The following CNTN5 variants were observed in gnomAD, a reference collection of about 807,000 sequenced individuals.
CNTN5 encodes contactin 5.
CNTN5 carries 77 observed loss-of-function variants against 129.1 expected under a neutral mutation model. That is an observed-to-expected ratio of 0.60 (90% CI 0.50 to 0.72). CNTN5 has a LOEUF of 0.72. Among genes scored for constraint, CNTN5 ranks in the 30% least tolerant of loss-of-function variants. The probability of loss-of-function intolerance (pLI) is 0.00; values close to 1 mark genes in which losing one functional copy is unlikely to be tolerated. For synonymous variants in CNTN5, 509 were observed against 465.6 expected, an observed-to-expected ratio of 1.09 and a Z score of -1.20; for missense variants, 1,478 against 1,328.8, an observed-to-expected ratio of 1.11 and a Z score of -1.75.
chr11:99,583,843 G>C (rs375939083), intron 3 of CNTN5, among the ~76,000 whole-genome samples: 2 of 152,052 alleles, frequency 1.3e-5, no homozygotes, highest in Admixed American at 6.6e-5. Context: ...TGCACCTACT[G>C]TCTTGCACTC....
At chr11:99,874,028 G>A (rs2135824101) in intron 6 of CNTN5, among the ~76,000 whole-genome samples, 1 of 152,154 alleles carries the variant, frequency 6.6e-6, no homozygotes, top group Non-Finnish European at 1.5e-5. Flanking sequence ...ACATGGACGT[G>A]AAGATAGAAA....
rs149477064 is a variant in CNTN5, at chr11:99,713,145, T to C, written c.56-106399T>C. ...TGGAATGGCTTTCCATTTGTTTGTG[T>C]CCTCTTTGATTTCCTTGAGCAGTGG... On this transcript the variant is annotated intron_variant, in intron 3 of 24. Transcript: ENST00000524871. 4.9e-4 allele frequency among the ~76,000 whole-genome samples: 74 copies of C among 152,300 alleles called. 1 individual carries two copies. The East Asian group carries it at 0.012, about 25-fold the overall frequency.
At chr11:99,938,981 T>A (rs1359284989) in intron 7 of CNTN5, among the ~76,000 whole-genome samples, 1 of 152,080 alleles carries the variant, frequency 6.6e-6, no homozygotes, top group Non-Finnish European at 1.5e-5. Flanking sequence ...GTCTTACAAT[T>A]TATTACTCTT....
intron 2 of CNTN5, among the ~76,000 whole-genome samples, chr11:99,392,918 A>G (rs1049738972): frequency 2.0e-5 from 3 of 152,052 alleles, no homozygotes; most frequent in Non-Finnish European, 4.4e-5. Context: ...TCAATTCACT[A>G]TAAAATGACA....
chr11:99,887,436 A>G (rs2135886757), intron 6 of CNTN5, among the ~76,000 whole-genome samples: 1 of 152,248 alleles, frequency 6.6e-6, no homozygotes, highest in East Asian at 1.9e-4. Context: ...TAGCTCTGTA[A>G]TTTACTAGCT....
chr11:99,461,673 A>G (rs762171809), intron 2 of CNTN5, among the ~76,000 whole-genome samples: 57 of 151,776 alleles, frequency 3.8e-4, no homozygotes, highest in Middle Eastern at 3.4e-3. Flanking sequence ...GTATTCTAGT[A>G]TTCTAATCCT....
intron 2 of CNTN5, among the ~76,000 whole-genome samples, chr11:99,356,186 C>G (rs1437720816): frequency 7.7e-6 from 1 of 130,716 alleles, no homozygotes; most frequent in Non-Finnish European, 1.6e-5. Context: ...AATGCCTTAA[C>G]CACCCCCCCC....
chr11:99,720,577 C>G (rs1943139301), intron 3 of CNTN5, among the ~76,000 whole-genome samples: 1 of 152,034 alleles, frequency 6.6e-6, no homozygotes, highest in Non-Finnish European at 1.5e-5. Flanking sequence ...GAAGCATTCC[C>G]CTTGAAAATC....
At chr11:99,921,700 C>T (rs1949943828) in intron 7 of CNTN5, among the ~76,000 whole-genome samples, 1 of 152,100 alleles carries the variant, frequency 6.6e-6, no homozygotes, top group African/African-American at 2.4e-5. Flanking sequence ...AGGTTTTGTT[C>T]ACTGTTATTA....
chr11:100,110,346 C>T (rs925166387), intron 13 of CNTN5, among the ~76,000 whole-genome samples: 1 of 151,908 alleles, frequency 6.6e-6, no homozygotes, highest in Non-Finnish European at 1.5e-5. Flanking sequence ...TAAACAAGAG[C>T]ACCTGTAGAC....
intron 1 of CNTN5, among the ~76,000 whole-genome samples, chr11:99,087,408 A>G (rs531117874): frequency 6.6e-6 from 1 of 152,330 alleles, no homozygotes; most frequent in East Asian, 1.9e-4. Context: ...TAAAATAAAA[A>G]TATTGGAAGT....
chr11:99,821,048 C>T (rs1946785527), intron 4 of CNTN5, among the ~76,000 whole-genome samples: 1 of 152,114 alleles, frequency 6.6e-6, no homozygotes, highest in Non-Finnish European at 1.5e-5. Flanking sequence ...TTCCAAAGTA[C>T]TTACATTTAA....
chr11:99,420,251 C>A (rs1942829989), intron 2 of CNTN5, among the ~76,000 whole-genome samples: 1 of 151,764 alleles, frequency 6.6e-6, no homozygotes, highest in South Asian at 2.1e-4. Flanking sequence ...GAAATTACTT[C>A]AAAGAAAAGT....
Position 99,789,859 on chromosome 11 carries a change from A to C in CNTN5, c.56-29685A>C, listed in dbSNP as rs565164428. ...GCGTGATGCTGAGGTTTATGGTACA[A>C]TTGATCCCATCATCCAGGTAGTGGG... is the stretch of plus-strand genomic sequence containing the variant. On this transcript the variant is annotated intron_variant, in intron 3 of 24. Transcript: ENST00000524871. Among the ~76,000 whole-genome samples, 3 of 152,060 alleles carry C rather than the reference A, an allele frequency of 2.0e-5. No homozygotes were observed. The South Asian group carries it at 6.2e-4, about 32-fold the overall frequency.
intron 3 of CNTN5, among the ~76,000 whole-genome samples, chr11:99,731,898 C>T (rs964660026): frequency 6.6e-6 from 1 of 152,158 alleles, no homozygotes; most frequent in Admixed American, 6.5e-5. Context: ...GAGAAAAACT[C>T]CTTCTCTTGA....
chr11:99,777,698 T>G (rs2135371223), intron 3 of CNTN5, among the ~76,000 whole-genome samples: 1 of 151,968 alleles, frequency 6.6e-6, no homozygotes, highest in South Asian at 2.1e-4. Flanking sequence ...ATTTTTTGAG[T>G]GCTCCGCAAA....
At chr11:99,398,457 A>G (rs780458860) in intron 2 of CNTN5, among the ~76,000 whole-genome samples, 25 of 152,016 alleles carry the variant, frequency 1.6e-4, no homozygotes, top group Non-Finnish European at 3.2e-4. Flanking sequence ...TGTATTCATC[A>G]TTACTGTATC....
At chr11:99,780,444 T>C (rs1022844417) in intron 3 of CNTN5, among the ~76,000 whole-genome samples, 1 of 151,972 alleles carries the variant, frequency 6.6e-6, no homozygotes, top group Admixed American at 6.6e-5. Flanking sequence ...ACACTTTAAA[T>C]GAGAAATGAA....
intron 13 of CNTN5, among the ~76,000 whole-genome samples, chr11:100,091,424 C>CTTTTT (rs60075209): frequency 8.7e-5 from 10 of 114,424 alleles, no homozygotes; most frequent in African/African-American, 1.4e-4. Flanking sequence ...TTTATTTATT[C>CTTTTT]TTTTTTTTTT....
Sources: allele counts gnomAD v4.1 joint callset (sites outside exome capture counted in the v4.1 genomes callset), GRCh38; gene constraint gnomAD v4.1.1; transcripts MANE v1.5; gene names NCBI Gene and HGNC (gene_info 2026-07-23, HGNC 2026-07-21).